The following SNAPC3 variants were observed in gnomAD, a reference collection of about 807,000 sequenced individuals.
SNAPC3 encodes the protein small nuclear RNA activating complex polypeptide 3, also known as snRNA-activating protein complex subunit 3.
A neutral mutation model predicts 47.7 loss-of-function variants in SNAPC3; 56 were observed. That is an observed-to-expected ratio of 1.18 (90% CI 0.95 to 1.47). The LOEUF is 1.47. Ranked by LOEUF, SNAPC3 falls within the 40% of genes most tolerant of loss-of-function variation. The probability of loss-of-function intolerance (pLI) is 0.00; values close to 1 mark genes in which losing one functional copy is unlikely to be tolerated. For missense variants in SNAPC3, 665 were observed against 511.3 expected (o/e 1.30, Z -2.90); for synonymous variants, 235 against 189.9 (o/e 1.24, Z -1.95).
chr9:15,465,657 T>C, downstream of SNAPC3: 1 of 1,245,896 alleles, frequency 8.0e-7, no homozygotes, highest in Non-Finnish European at 1.1e-6. Flanking sequence ...TAAGTCTGCA[T>C]TATATTTTTA....
At chr9:15,442,477 G>C (rs1174801855) in intron 3 of SNAPC3, among the ~76,000 whole-genome samples, 1 of 149,810 alleles carries the variant, frequency 6.7e-6, no homozygotes, top group African/African-American at 2.5e-5. Flanking sequence ...GGGCGGAGGG[G>C]CTCCTCACTT....
intron 8 of SNAPC3, among the ~76,000 whole-genome samples, chr9:15,458,679 T>G (rs1016001395): frequency 2.6e-5 from 4 of 152,206 alleles, no homozygotes; most frequent in African/African-American, 9.6e-5. Flanking sequence ...AAAAATTTGT[T>G]GCTTTTGGAG....
At chr9:15,441,776 A>T (rs1185671179) in intron 3 of SNAPC3, among the ~76,000 whole-genome samples, 1 of 151,842 alleles carries the variant, frequency 6.6e-6, no homozygotes. Context: ...ACAAAATGGA[A>T]TCTCCTATGT....
At chr9:15,423,442 C>T (rs890429028) in intron 1 of SNAPC3, among the ~76,000 whole-genome samples, 2 of 152,170 alleles carry the variant, frequency 1.3e-5, no homozygotes, top group African/African-American at 2.4e-5. Context: ...CTAGTTTTTC[C>T]ATTTGCTTAT....
chr9:15,444,963 C>A (rs1436520915), intron 4 of SNAPC3, among the ~76,000 whole-genome samples: 3 of 152,074 alleles, frequency 2.0e-5, no homozygotes, highest in Admixed American at 6.5e-5. Flanking sequence ...CATGGTGGTG[C>A]ACATCTGTAA....
At chr9:15,428,464 A>C (rs1288402361) in intron 2 of SNAPC3, among the ~76,000 whole-genome samples, 18 of 148,304 alleles carry the variant, frequency 1.2e-4, no homozygotes, top group Admixed American at 3.4e-4. Flanking sequence ...AGCCGAGATC[A>C]CGCCACTGCA....
In SNAPC3 at chr9:15,437,564, G is replaced by A. The variant is rs554389486; in HGVS notation, c.477+3928G>A. On this transcript the variant is annotated intron_variant, in intron 3 of 8. Coordinates refer to ENST00000380821, the MANE Select transcript of SNAPC3 (RefSeq NM_001039697.2). ...CTATTTTCTTTAGTGTTTTTATCAT[G>A]AAAGGGTGTTAGATTTTGTCAAATG... 4.4e-3 allele frequency among the ~76,000 whole-genome samples: 658 copies of A among 150,602 alleles called. 3 individuals are homozygous for A. Among genetic ancestry groups the A allele is most frequent in the African/African-American group, 0.015 (633 of 41,006 alleles).
chr9:15,441,187 C>CT (rs35713286), intron 3 of SNAPC3, among the ~76,000 whole-genome samples: 136,575 of 146,366 alleles, frequency 0.93, 63,858 homozygotes, highest in African/African-American at 0.98. Flanking sequence ...GCTGTAACGT[C>CT]TTTTTTTTTT....
chr9:15,438,641 C>T (rs1317897662), intron 3 of SNAPC3, among the ~76,000 whole-genome samples: 3 of 151,946 alleles, frequency 2.0e-5, no homozygotes, highest in East Asian at 3.8e-4. Flanking sequence ...TGATTTTTGT[C>T]GAGTGTTGTT....
intron 3 of SNAPC3, among the ~76,000 whole-genome samples, chr9:15,441,541 G>C (rs1054996399): frequency 2.6e-5 from 4 of 151,648 alleles, no homozygotes; most frequent in African/African-American, 9.7e-5. Flanking sequence ...AGGACCCTGC[G>C]GCCTTCTGCA....
intron 7 of SNAPC3, 58 bp downstream of exon 7, chr9:15,453,263 A>C: frequency 7.5e-7 from 1 of 1,331,996 alleles, no homozygotes; most frequent in Non-Finnish European, 1.0e-6. Context: ...TTCAGAGTAC[A>C]AAACCAGAGA....
intron 2 of SNAPC3, among the ~76,000 whole-genome samples, chr9:15,433,299 A>G (rs1357885496): frequency 6.6e-6 from 1 of 152,110 alleles, no homozygotes; most frequent in Non-Finnish European, 1.5e-5. Flanking sequence ...TAAATTAAAA[A>G]TTGTGTGAAA....
chr9:15,465,092 A>G, downstream of SNAPC3: 2 of 229,338 alleles, frequency 8.7e-6, no homozygotes. Context: ...CAAAACCCAC[A>G]AACAGTGAAA....
At chr9:15,465,819 G>T (rs576358878), downstream of SNAPC3, 132 of 443,546 alleles carry the variant, frequency 3.0e-4, no homozygotes, top group African/African-American at 2.2e-3. Context: ...AAATAACTCA[G>T]CAAAGTGTCA....
downstream of SNAPC3, chr9:15,462,471 CTT>C (rs1175581069): frequency 6.6e-6 from 1 of 152,120 alleles, no homozygotes; most frequent in Non-Finnish European, 1.5e-5. Flanking sequence ...CAGCTTTTCT[CTT>C]TTTTCGAGGC....
chr9:15,460,016 T>C lies in SNAPC3; in HGVS notation c.*150T>C. 1.9e-6 allele frequency: 1 copy of C among 525,334 alleles called. No homozygotes were observed. Among genetic ancestry groups the C allele is most frequent in the Non-Finnish European group, 3.3e-6 (1 of 304,318 alleles). 32.5% of individuals were successfully genotyped at this position (525,334 alleles called of 1,614,324 possible). On this transcript the variant is annotated 3_prime_UTR_variant, in exon 9 of 9. Transcript: ENST00000380821. ...AAAAAGTCCAAATGACAGATTTTCT[T>C]ATAATGATAGTATTTAAATGTTTAT...
chr9:15,435,600 A>G (rs142857601), intron 3 of SNAPC3, among the ~76,000 whole-genome samples: 1 of 150,922 alleles, frequency 6.6e-6, no homozygotes, highest in Non-Finnish European at 1.5e-5. Context: ...GCGTGGTGGC[A>G]GGCGCCTGTA....
intron 3 of SNAPC3, among the ~76,000 whole-genome samples, chr9:15,443,585 A>G (rs944345749): frequency 1.3e-5 from 2 of 152,168 alleles, no homozygotes; most frequent in African/African-American, 4.8e-5. Flanking sequence ...CTGGCTCCAA[A>G]AAGAAAAAAA....
intron 5 of SNAPC3, among the ~76,000 whole-genome samples, chr9:15,448,960 C>CA (rs904255157): frequency 6.6e-6 from 1 of 152,014 alleles, no homozygotes; most frequent in Non-Finnish European, 1.5e-5. Flanking sequence ...CAGGTGGCCC[C>CA]ACTGCGCCCA....
Sources: allele counts gnomAD v4.1 joint callset (sites outside exome capture counted in the v4.1 genomes callset), GRCh38; gene constraint gnomAD v4.1.1; transcripts MANE v1.5; gene names NCBI Gene and HGNC (gene_info 2026-07-23, HGNC 2026-07-21).